GFI1B: variants seen among roughly 807,000 people sequenced by gnomAD.
The protein encoded by GFI1B is zinc finger protein Gfi-1b.
Under a neutral mutation model 35.3 loss-of-function variants are expected in GFI1B, and 20 were observed. The ratio of observed to expected loss-of-function variants is 0.57; its 90% CI spans 0.40 to 0.82. The LOEUF (loss-of-function observed/expected upper bound fraction) is 0.82, where lower values mean the gene tolerates loss of function less well. Ranked by LOEUF, GFI1B falls within the 40% of genes least tolerant of loss-of-function variation. GFI1B has a pLI of 0.00. For synonymous variants in GFI1B, 178 were observed against 177.6 expected (o/e 1.00, Z -0.02); for missense variants, 430 against 446.3 (o/e 0.96, Z 0.33).
intron 4 of GFI1B, among the ~76,000 whole-genome samples, chr9:132,988,776 T>A (rs1439610218): frequency 6.6e-6 from 1 of 152,058 alleles, no homozygotes; most frequent in Non-Finnish European, 1.5e-5. Flanking sequence ...TTCGGCCAAC[T>A]CCCAGCTCTT....
intron 1 of GFI1B, among the ~76,000 whole-genome samples, chr9:132,967,092 G>T (rs1848461022): frequency 6.6e-6 from 1 of 152,138 alleles, no homozygotes; most frequent in South Asian, 2.1e-4. Context: ...ACCATGGAGA[G>T]AATTAGTTCT....
chr9:132,989,534 C>T lies in GFI1B; in HGVS notation c.649-208C>T, dbSNP rs1446965728. ...AACATTTATTGAGGTTTATTTTGAGCGGGATACCGTGAAGATTACAAGGAA... is the reference window on the plus strand; with the variant it reads ...AACATTTATTGAGGTTTATTTTGAGTGGGATACCGTGAAGATTACAAGGAA... On this transcript the variant is annotated intron_variant, in intron 5 of 6. Coordinates refer to ENST00000372122, the MANE Select transcript of GFI1B (RefSeq NM_001377304.1). The surrounding 1 kb of genome is among the most constrained non-coding windows in gnomAD (Gnocchi z 6.2). 8.3e-6 allele frequency: 5 copies of T among 602,998 alleles called. No homozygotes were observed. Among genetic ancestry groups the T allele is most frequent in the East Asian group, 2.7e-5 (1 of 36,392 alleles). 37.4% of individuals were successfully genotyped at this position (602,998 alleles called of 1,614,324 possible). A position where few individuals can be genotyped will look rare whatever the true frequency, so the allele number is the denominator to read the frequency against.
downstream of GFI1B, among the ~76,000 whole-genome samples, chr9:132,991,897 C>T (rs1849306274): frequency 6.6e-6 from 1 of 152,070 alleles, no homozygotes; most frequent in South Asian, 2.1e-4. Flanking sequence ...GACAAGACCA[C>T]AGGGGTGGGC....
intron 3 of GFI1B, among the ~76,000 whole-genome samples, chr9:132,987,969 C>T (rs1849135727): frequency 6.6e-6 from 1 of 152,116 alleles, no homozygotes; most frequent in South Asian, 2.1e-4. Flanking sequence ...CTCAGCCTCC[C>T]TAGTAGCTGG....
chr9:132,961,433 AAC>A (rs1491374745), intron 1 of GFI1B, among the ~76,000 whole-genome samples: 23 of 150,936 alleles, frequency 1.5e-4, no homozygotes, highest in Admixed American at 4.6e-4. Context: ...AAAAAAAAAA[AAC>A]AACAGAAAAA....
chr9:132,985,449 G>A (rs1054750224), intron 1 of GFI1B, among the ~76,000 whole-genome samples: 2 of 152,276 alleles, frequency 1.3e-5, no homozygotes, highest in Admixed American at 6.5e-5. Flanking sequence ...CTGTGTCCAT[G>A]AAGCCTCAGG....
Position 132,990,992 on chromosome 9 carries a change from G to T in GFI1B, c.935G>T (p.Gly312Val). The T allele has an allele frequency of 6.2e-7, 1 of 1,614,200 alleles. No homozygotes were observed. The highest frequency in any genetic ancestry group is 8.5e-7 in the Non-Finnish European group (1 of 1,180,010). Reference sequence around the variant, plus strand: ...TTCAGCTGTGAGCTGTGCACCAAAGGCTTCCAGCGCAAGGTGGACCTGCGG... The same window carrying T: ...TTCAGCTGTGAGCTGTGCACCAAAGTCTTCCAGCGCAAGGTGGACCTGCGG... Reference protein sequence around the residue: ...KPFSCELCTKGFQRKVDLRRH... With the variant: ...KPFSCELCTKVFQRKVDLRRH... The change falls in exon 7 of 7, where the codon GGC becomes GTC. Residue 312 changes from glycine (G) to valine (V), a missense_variant. Coordinates refer to ENST00000372122, the MANE Select transcript of GFI1B (RefSeq NM_001377304.1).
intron 2 of GFI1B, 93 bp from the exon 3 acceptor site, chr9:132,987,189 C>T: frequency 1.5e-6 from 2 of 1,339,946 alleles, no homozygotes; most frequent in Non-Finnish European, 2.1e-6. Context: ...TCTCTCTGGG[C>T]CTCCTCCTCC....
At chr9:132,965,590 A>G (rs557125268) in intron 1 of GFI1B, among the ~76,000 whole-genome samples, 2 of 152,246 alleles carry the variant, frequency 1.3e-5, no homozygotes, top group Non-Finnish European at 2.9e-5. Context: ...GTGTCCTTGT[A>G]TAAGACAGAA....
At chr9:132,990,698 G>C (rs1849263930) in intron 6 of GFI1B, among the ~76,000 whole-genome samples, 174 bp from the exon 7 acceptor site, 1 of 152,250 alleles carries the variant, frequency 6.6e-6, no homozygotes, top group South Asian at 2.1e-4. Flanking sequence ...GGTCCAAGTT[G>C]TATCTTTGCT....
intron 1 of GFI1B, 133 bp from the exon 2 acceptor site, chr9:132,986,526 G>A: frequency 1.5e-6 from 1 of 688,366 alleles, no homozygotes; most frequent in Non-Finnish European, 2.7e-6. Context: ...CACAGGTTCT[G>A]GGTGGACATG....
chr9:132,957,546 C>T (rs1364470810), intron 1 of GFI1B, among the ~76,000 whole-genome samples: 33 of 152,040 alleles, frequency 2.2e-4, no homozygotes, highest in Admixed American at 2.2e-3. Context: ...AGAGAGAGTC[C>T]CCAGACTCAA....
chr9:132,956,214 G>A (rs1848281356), intron 1 of GFI1B, among the ~76,000 whole-genome samples: 1 of 152,044 alleles, frequency 6.6e-6, no homozygotes, highest in Non-Finnish European at 1.5e-5. Flanking sequence ...TGATTTTCTT[G>A]TTGTTTTTTA....
chr9:132,972,692 C>T (rs1451743974), intron 1 of GFI1B: 1 of 152,246 alleles, frequency 6.6e-6, no homozygotes, highest in Non-Finnish European at 1.5e-5. Context: ...CAGCATGTAC[C>T]TGTACACAGA....
intron 1 of GFI1B, chr9:132,951,482 C>G (rs1174937667): frequency 6.6e-6 from 1 of 152,224 alleles, no homozygotes; most frequent in African/African-American, 2.4e-5. Context: ...AGACTCTTCT[C>G]CCAGTTTATT....
chr9:132,969,512 A>G (rs1048633496), intron 1 of GFI1B, among the ~76,000 whole-genome samples: 3 of 152,174 alleles, frequency 2.0e-5, no homozygotes, highest in African/African-American at 7.2e-5. Flanking sequence ...TGGACCAACT[A>G]CATTCCATGT....
intron 1 of GFI1B, among the ~76,000 whole-genome samples, chr9:132,985,350 T>G (rs1262485793): frequency 6.6e-6 from 1 of 152,094 alleles, no homozygotes; most frequent in South Asian, 2.1e-4. Context: ...ACTGATGTGG[T>G]CCTTGGTTTC....
intron 1 of GFI1B, among the ~76,000 whole-genome samples, chr9:132,962,196 G>T (rs1848378075): frequency 6.9e-6 from 1 of 145,536 alleles, no homozygotes. Context: ...GGAGTACAGT[G>T]GTACCATCTC....
At chr9:132,954,051 C>T (rs1032190416) in intron 1 of GFI1B, among the ~76,000 whole-genome samples, 2 of 152,122 alleles carry the variant, frequency 1.3e-5, no homozygotes, top group African/African-American at 4.8e-5. Context: ...AAAACCCTAG[C>T]TAGGGGTCTA....
Sources: allele counts gnomAD v4.1 joint callset (sites outside exome capture counted in the v4.1 genomes callset), GRCh38; gene constraint gnomAD v4.1.1; non-coding constraint Gnocchi (gnomAD v3.1); transcripts MANE v1.5; gene names NCBI Gene and HGNC (gene_info 2026-07-23, HGNC 2026-07-21).